Variants in PCDHGA2 observed in about 807,000 individuals in gnomAD.
The protein encoded by PCDHGA2 is protocadherin gamma subfamily A, 2, also known as protocadherin gamma-A2.
In PCDHGA2, 40 loss-of-function variants were observed where a neutral mutation model predicts 59.2. That is an observed-to-expected ratio of 0.68 (90% CI 0.52 to 0.88). The LOEUF is 0.88. Among genes scored for constraint, PCDHGA2 ranks in the 40% least tolerant of loss-of-function variants. The pLI is 0.00. For missense variants in PCDHGA2, 1,226 were observed against 1,204.0 expected (o/e 1.02, Z -0.27); for synonymous variants, 560 against 526.0 (o/e 1.06, Z -0.89).
intron 1 of PCDHGA2, chr5:141,384,177 T>C (rs1779802926): frequency 6.2e-7 from 1 of 1,613,720 alleles, no homozygotes; most frequent in African/African-American, 1.3e-5. Flanking sequence ...AAGCCACAGA[T>C]GGTGGAACTC....
chr5:141,428,561 A>G (rs879118525), intron 1 of PCDHGA2: 16 of 238,202 alleles, frequency 6.7e-5, no homozygotes, highest in South Asian at 5.9e-4. Context: ...GTCCCCCCAC[A>G]AGATCTTTCT....
chr5:141,472,579 G>T (rs1172183592), intron 1 of PCDHGA2, among the ~76,000 whole-genome samples: 3 of 151,928 alleles, frequency 2.0e-5, no homozygotes, highest in Non-Finnish European at 4.4e-5. Context: ...GCATCTCATT[G>T]GTCAGAAGCT....
Position 141,415,396 on chromosome 5 carries a change from G to A in PCDHGA2, c.2424+74001G>A, listed in dbSNP as rs11575962. 4,865 of 1,614,204 alleles carry A rather than the reference G, an allele frequency of 3.0e-3. 27 individuals are homozygous for A. The highest frequency in any genetic ancestry group is 0.011 in the Admixed American group (656 of 60,024). ...AGGAGGCGGCTTGACAGGTGTGTCC[G>A]GCTCGCACTTTGTGGGCGTGGACGG... On this transcript the variant is annotated intron_variant, in intron 1 of 3. Coordinates refer to ENST00000394576, the MANE Select transcript of PCDHGA2 (RefSeq NM_018915.4).
chr5:141,404,995 T>A (rs1561697585), intron 1 of PCDHGA2: 1 of 1,614,008 alleles, frequency 6.2e-7, no homozygotes, highest in Non-Finnish European at 8.5e-7. Context: ...TTCAGATCCC[T>A]GCAGACCTGG....
chr5:141,473,269 A>G (rs2099318337), intron 1 of PCDHGA2, among the ~76,000 whole-genome samples: 1 of 152,208 alleles, frequency 6.6e-6, no homozygotes. Flanking sequence ...AGTGTATGCT[A>G]TGATTATTTT....
chr5:141,415,041 G>T, intron 1 of PCDHGA2: 1 of 1,613,530 alleles, frequency 6.2e-7, no homozygotes, highest in Non-Finnish European at 8.5e-7. Flanking sequence ...GACTCTTCGC[G>T]GTGGGGGAGC....
At chr5:141,429,445 G>C (rs2097215795) in intron 1 of PCDHGA2, among the ~76,000 whole-genome samples, 1 of 151,758 alleles carries the variant, frequency 6.6e-6, no homozygotes, top group Admixed American at 6.6e-5. Context: ...AAACTCTTGG[G>C]CTACAGTAAT....
intron 1 of PCDHGA2, chr5:141,384,015 A>G: frequency 6.2e-7 from 1 of 1,613,830 alleles, no homozygotes; most frequent in Non-Finnish European, 8.5e-7. Flanking sequence ...TCTACCTACA[A>G]GACAGAGATT....
chr5:141,343,457 A>C, intron 1 of PCDHGA2: 3 of 805,466 alleles, frequency 3.7e-6, no homozygotes, highest in Non-Finnish European at 4.5e-6. Context: ...ATCAAGGTTC[A>C]GTGGTGGAAG....
chr5:141,456,047 A>G (rs1321504293), intron 1 of PCDHGA2, among the ~76,000 whole-genome samples: 3 of 151,774 alleles, frequency 2.0e-5, no homozygotes, highest in Non-Finnish European at 4.4e-5. Context: ...ACAGGCGCCC[A>G]CCACCACGTC....
intron 1 of PCDHGA2, among the ~76,000 whole-genome samples, chr5:141,407,414 C>T (rs1190741475): frequency 6.6e-6 from 1 of 152,156 alleles, no homozygotes; most frequent in Non-Finnish European, 1.5e-5. Flanking sequence ...TTCGATACCA[C>T]AAAAATGTCT....
At position 141,389,190 on chromosome 5, in the gene PCDHGA2, A is replaced by G; in HGVS notation, c.2424+47795A>G. The G allele has an allele frequency of 6.2e-7, 1 of 1,614,034 alleles. No individual in the cohort carries two copies. The highest frequency in any genetic ancestry group is 8.5e-7 in the Non-Finnish European group (1 of 1,179,896). ...GCCTCCCCTCTCCTCCAGTTCCAGC[A>G]TCACCCTGCACATTGGTGATGTAAA... On this transcript the variant is annotated intron_variant, in intron 1 of 3. Coordinates refer to ENST00000394576, the MANE Select transcript of PCDHGA2 (RefSeq NM_018915.4).
intron 1 of PCDHGA2, among the ~76,000 whole-genome samples, chr5:141,433,766 G>A (rs2097649774): frequency 6.6e-6 from 1 of 151,888 alleles, no homozygotes; most frequent in South Asian, 2.1e-4. Flanking sequence ...TAACCTGGGA[G>A]GTGGAGGTTG....
At position 141,371,931 on chromosome 5, in the gene PCDHGA2, G is replaced by A. The variant is rs934034667; in HGVS notation, c.2424+30536G>A. 21 of 1,613,254 alleles carry A rather than the reference G, an allele frequency of 1.3e-5. No homozygotes were observed. The Middle Eastern group carries it at 4.9e-4, about 38-fold the overall frequency. ...CGTGTCCGTGAGCGCGCGGAGCGGG[G>A]TGGTGTTCGCGCAGCGAGCCTTCGA... On this transcript the variant is annotated intron_variant, in intron 1 of 3. Transcript: ENST00000394576.
In PCDHGA2 at chr5:141,432,887, T is replaced by G. The variant is rs146168033; in HGVS notation, c.2425-61920T>G. 2.8e-4 allele frequency: 451 copies of G among 1,614,156 alleles called. No individual in the cohort carries two copies. In the African/African-American group the frequency reaches 4.6e-3, roughly 17 times the overall value. ...CTGCGTCTTCCTGGCCTTCGTCATC[T>G]TGCTGCTGGCGCTCAGGCTGCGGCG... is the stretch of plus-strand genomic sequence containing the variant. On this transcript the variant is annotated intron_variant, in intron 1 of 3. Transcript: ENST00000394576. The surrounding 1 kb of genome is among the most constrained non-coding windows in gnomAD (Gnocchi z 6.0).
intron 1 of PCDHGA2, chr5:141,423,620 C>G: frequency 6.2e-7 from 1 of 1,608,268 alleles, no homozygotes; most frequent in Non-Finnish European, 8.5e-7. Flanking sequence ...GCTGAAGACT[C>G]AGCTATCATT....
chr5:141,433,767 G>T (rs1237334342), intron 1 of PCDHGA2, among the ~76,000 whole-genome samples: 1 of 151,532 alleles, frequency 6.6e-6, no homozygotes, highest in Non-Finnish European at 1.5e-5. Flanking sequence ...AACCTGGGAG[G>T]TGGAGGTTGC....
At chr5:141,394,009 GTAATTATTATAGA>G (rs780846520) in intron 1 of PCDHGA2, 1 of 1,613,394 alleles carries the variant, frequency 6.2e-7, no homozygotes, top group Non-Finnish European at 8.5e-7. Context: ...AAGTCAATAG[GTAATTATTATAGA>G]TTAGTGACAA....
At position 141,431,134 on chromosome 5, in the gene PCDHGA2, C is replaced by T; in HGVS notation, c.2425-63673C>T. 1 of 1,614,212 alleles carries T rather than the reference C, an allele frequency of 6.2e-7. No homozygotes were observed. The highest frequency in any genetic ancestry group is 2.2e-5 in the East Asian group (1 of 44,890). On this transcript the variant is annotated intron_variant, in intron 1 of 3. Coordinates refer to ENST00000394576, the MANE Select transcript of PCDHGA2 (RefSeq NM_018915.4). This position sits in a 1 kb window ranked among gnomAD's most constrained non-coding sequence, Gnocchi z 4.8. ...ATGGAGTAGAAGTAGAAGTAAGGGA[C>T]ATTAACGACAATGCGCCTTACTTTC...
Sources: allele counts gnomAD v4.1 joint callset (sites outside exome capture counted in the v4.1 genomes callset), GRCh38; gene constraint gnomAD v4.1.1; non-coding constraint Gnocchi (gnomAD v3.1); transcripts MANE v1.5; gene names NCBI Gene and HGNC (gene_info 2026-07-23, HGNC 2026-07-21).